Variants in GPR137 observed in about 807,000 individuals in gnomAD.
GPR137 encodes the protein integral membrane protein GPR137.
GPR137 carries 20 observed loss-of-function variants against 38.9 expected under a neutral mutation model. That is an observed-to-expected ratio of 0.51 (90% confidence interval 0.36 to 0.75). The LOEUF (loss-of-function observed/expected upper bound fraction) is 0.75, where lower values mean the gene tolerates loss of function less well. GPR137 is among the 30% of genes least tolerant of loss of function. The probability of loss-of-function intolerance (pLI) is 0.00; values close to 1 mark genes in which losing one functional copy is unlikely to be tolerated. For synonymous variants in GPR137, 226 were observed against 235.8 expected, an observed-to-expected ratio of 0.96 and a Z score of 0.38; for missense variants, 456 against 526.4, an observed-to-expected ratio of 0.87 and a Z score of 1.31.
chr11:64,284,739 A>T, upstream of GPR137: 1 of 1,535,886 alleles, frequency 6.5e-7, no homozygotes, highest in Non-Finnish European at 8.7e-7. Context: ...GACCTGGCCC[A>T]ATCACCTCTC....
rs977057730 is a variant in GPR137 at position 64,288,806 on chromosome 11, C to G, written c.1031+85C>G. ...TCAAGCTATGGGGGACCGAGATAGC[C>G]GGGTCTTGCCTTCCACCCCTGCCAT... On this transcript the variant is annotated intron_variant, in intron 6 of 6. Coordinates refer to ENST00000438980, the MANE Select transcript of GPR137 (RefSeq NM_001170880.2). The surrounding 1 kb of genome is among the most constrained non-coding windows in gnomAD (Gnocchi z 5.5). 2.1e-6 allele frequency: 3 copies of G among 1,452,828 alleles called. No individual in the cohort carries two copies. The highest frequency in any genetic ancestry group is 2.8e-5 in the African/African-American group (2 of 70,408). 90.0% of individuals were successfully genotyped at this position (1,452,828 alleles called of 1,614,324 possible).
upstream of GPR137, among the ~76,000 whole-genome samples, chr11:64,273,146 A>G (rs997513254): frequency 3.3e-5 from 5 of 151,592 alleles, no homozygotes; most frequent in African/African-American, 1.2e-4. Context: ...AGGCAGGTGG[A>G]TCACCTGAGG....
At chr11:64,280,497 A>G (rs1222729273), upstream of GPR137, among the ~76,000 whole-genome samples, 22 of 137,794 alleles carry the variant, frequency 1.6e-4, no homozygotes, top group African/African-American at 5.1e-4. Context: ...GACTATAGGC[A>G]CCCACCACCA....
At chr11:64,275,751 A>T (rs1422882990) in exon 1 of GPR137, 2 of 152,022 alleles carry the variant, frequency 1.3e-5, no homozygotes, top group Non-Finnish European at 2.9e-5. Flanking sequence ...AAGGCCCCAC[A>T]GGTGGAAGGT....
rs78600616 is a variant in GPR137 at position 64,278,772 on chromosome 11, A to C, written c.-16+2351A>C. ...TGGCTGCAGTCCCTGCCCTGGGGAC[A>C]CCTCAGCCATCCAGCAGGGGGGCCT... On this transcript the variant is annotated intron_variant, in intron 2 of 2. Transcript: ENST00000538244. Among the ~76,000 whole-genome samples, 8 of 152,292 alleles carry C rather than the reference A, an allele frequency of 5.3e-5. No homozygotes were observed. The East Asian group carries it at 1.2e-3, about 22-fold the overall frequency.
At position 64,288,149 on chromosome 11, in the gene GPR137, C is replaced by G; in HGVS notation, c.718C>G (p.Leu240Val). The change falls in exon 4 of 7, where the codon CTG becomes GTG. Residue 240 changes from leucine to valine, a missense_variant. By Grantham distance (32) the Leu-to-Val change is conservative. Transcript: ENST00000438980. The surrounding 1 kb of genome is among the most constrained non-coding windows in gnomAD (Gnocchi z 5.5). ...ASRACYNLTA[L>V]ALAPQSRLDT... The stretch of plus-strand genomic sequence containing the variant: ...CCGGGCCTGCTACAACCTGACAGCA[C>G]TGGCCTTGGCCCCCCAGAGCCGGCT... 1 of 1,613,106 alleles carries G rather than the reference C, an allele frequency of 6.2e-7. No individual in the cohort carries two copies. The highest frequency in any genetic ancestry group is 8.5e-7 in the Non-Finnish European group (1 of 1,180,008).
At chr11:64,281,157 C>T (rs529429571), upstream of GPR137, among the ~76,000 whole-genome samples, 35 of 152,176 alleles carry the variant, frequency 2.3e-4, no homozygotes, top group East Asian at 6.6e-3. Flanking sequence ...TTAGTGGAGA[C>T]GGGGTTCACC....
chr11:64,285,667 C>G, upstream of GPR137: 1 of 985,112 alleles, frequency 1.0e-6, no homozygotes, highest in Non-Finnish European at 1.2e-6. Flanking sequence ...CGGCACGGCC[C>G]CCGCAACTCG....
upstream of GPR137, chr11:64,284,083 G>A: frequency 7.1e-7 from 1 of 1,406,462 alleles, no homozygotes; most frequent in African/African-American, 1.4e-5. Context: ...TTTGGGGACC[G>A]ACCCAAAGCA....
In GPR137 at chr11:64,288,526, T is replaced by A; in HGVS notation, c.912+58T>A. 5 of 1,613,274 alleles carry A rather than the reference T, an allele frequency of 3.1e-6. No individual in the cohort carries two copies. Among genetic ancestry groups the A allele is most frequent in the Non-Finnish European group, 4.2e-6 (5 of 1,179,804 alleles). ...TGGAGGGGGCGGATGTTGCAAATCC[T>A]GGGTTGGAGTCTGGGGTTGGGCCTG... On this transcript the variant is annotated intron_variant, in intron 5 of 6. Transcript: ENST00000438980. This position sits in a 1 kb window ranked among gnomAD's most constrained non-coding sequence, Gnocchi z 5.5.
chr11:64,286,238 G>A lies in GPR137; in HGVS notation c.-287G>A. On this transcript the variant is annotated 5_prime_UTR_variant, in exon 1 of 7. An upstream open reading frame in the 5' UTR loses its in-frame stop. Transcript: ENST00000438980. ...TCCCCCCATCCTTGGCTCTGGGGTA[G>A]GCCCAGGGAGGAGACACCCCCAACC... The A allele has an allele frequency of 1.6e-6, 2 of 1,231,680 alleles. No homozygotes were observed. The highest frequency in any genetic ancestry group is 2.0e-6 in the Non-Finnish European group (2 of 983,700). 76.3% of individuals were successfully genotyped at this position (1,231,680 alleles called of 1,614,324 possible).
chr11:64,288,758 A>G lies in GPR137; in HGVS notation c.1031+37A>G. On this transcript the variant is annotated intron_variant, in intron 6 of 6. Coordinates refer to ENST00000438980, the MANE Select transcript of GPR137 (RefSeq NM_001170880.2). The surrounding 1 kb of genome is among the most constrained non-coding windows in gnomAD (Gnocchi z 5.5). Reference sequence around the variant, plus strand: ...GGCACTGCCTCAGTACCCCTGCCCTACCCGCCCACCCCGCTGGCTCCATCA... The same window carrying G: ...GGCACTGCCTCAGTACCCCTGCCCTGCCCGCCCACCCCGCTGGCTCCATCA... The G allele has an allele frequency of 6.9e-7, 1 of 1,450,052 alleles. No homozygotes were observed. The highest frequency in any genetic ancestry group is 9.2e-7 in the Non-Finnish European group (1 of 1,089,040). The allele number at this position is 1,450,052 out of a possible 1,614,324, so 89.8% of individuals were successfully genotyped here.
upstream of GPR137, among the ~76,000 whole-genome samples, chr11:64,281,173 A>G (rs1337096868): frequency 6.6e-6 from 1 of 152,048 alleles, no homozygotes; most frequent in Non-Finnish European, 1.5e-5. Context: ...TCACCGTGTT[A>G]GCCAGAATGG....
At chr11:64,279,547 A>C (rs1342749005), upstream of GPR137, among the ~76,000 whole-genome samples, 9 of 151,894 alleles carry the variant, frequency 5.9e-5, no homozygotes, top group African/African-American at 1.2e-4. Context: ...CGGGTGGATC[A>C]CGAGGTCAGG....
At chr11:64,275,565 T>G (rs1695433739), upstream of GPR137, 1 of 151,994 alleles carries the variant, frequency 6.6e-6, no homozygotes, top group African/African-American at 2.4e-5. Context: ...CCCAGCCAGG[T>G]GAATATCCAG....
Position 64,286,284 on chromosome 11 carries a change from G to GA in GPR137, c.-237dup, listed in dbSNP as rs1364556556. The GA allele has an allele frequency of 7.2e-7, 1 of 1,390,962 alleles. No individual in the cohort carries two copies. Among genetic ancestry groups the GA allele is most frequent in the East Asian group, 2.7e-5 (1 of 37,728 alleles). 86.2% of individuals were successfully genotyped at this position (1,390,962 alleles called of 1,614,324 possible). A position where few individuals can be genotyped will look rare whatever the true frequency, so the allele number is the denominator to read the frequency against. ...CAACCCCTATCCGGTCTGTCCTGGA[G>GA]AAAAGAGACTGCCCTTCCATGCCCC... is the stretch of plus-strand genomic sequence containing the variant. On this transcript the variant is annotated 5_prime_UTR_variant, in exon 1 of 7. Coordinates refer to ENST00000438980, the MANE Select transcript of GPR137 (RefSeq NM_001170880.2).
At chr11:64,271,013 C>T (rs1733637695), upstream of GPR137, among the ~76,000 whole-genome samples, 1 of 49,110 alleles carries the variant, frequency 2.0e-5, no homozygotes. Context: ...CACACACACA[C>T]GCCTGGAGTG....
At chr11:64,285,259 T>C, upstream of GPR137, 1 of 985,176 alleles carries the variant, frequency 1.0e-6, no homozygotes, top group Non-Finnish European at 1.2e-6. Flanking sequence ...GCACTGGAGA[T>C]AAGGAAAGGA....
Position 64,289,192 on chromosome 11 carries a change from C to A in GPR137, c.1187C>A (p.Thr396Lys), listed in dbSNP as rs778003446. The A allele has an allele frequency of 1.2e-6, 2 of 1,612,798 alleles. No individual in the cohort carries two copies. ...HHHSLYSTPQ[T>K] ...CACAGTCTCTACTCCACCCCACAGA[C>A]GTGATCCCCCTCCCTCCCCCACAGA... is the stretch of plus-strand genomic sequence containing the variant. The change falls in exon 7 of 7, where the codon ACG becomes AAG. Residue 396 changes from threonine to lysine, a missense_variant. Transcript: ENST00000438980.
Sources: gnomAD v4.1 joint callset for allele counts (sites outside exome capture counted in the v4.1 genomes callset) on GRCh38, gnomAD v4.1.1 for gene constraint, Gnocchi (gnomAD v3.1) non-coding constraint, MANE v1.5 for transcripts, NCBI Gene and HGNC (gene_info 2026-07-23, HGNC 2026-07-21) for gene names.